TMC1: variants seen among roughly 807,000 people sequenced by gnomAD.
TMC1 encodes the protein transmembrane channel-like protein 1.
A neutral mutation model predicts 105.8 loss-of-function variants in TMC1; 84 were observed. That is an observed-to-expected ratio of 0.79 (90% CI 0.67 to 0.95). The LOEUF is 0.95. Ranked by LOEUF, TMC1 falls within the 40% of genes least tolerant of loss-of-function variation. The pLI is 0.00. For synonymous variants in TMC1, 315 were observed against 311.5 expected (o/e 1.01, Z -0.12); for missense variants, 817 against 914.1 (o/e 0.89, Z 1.37).
At chr9:72,730,089 A>G (rs1279613919) in intron 8 of TMC1, among the ~76,000 whole-genome samples, 1 of 152,204 alleles carries the variant, frequency 6.6e-6, no homozygotes, top group Non-Finnish European at 1.5e-5. Context: ...TACAAAGACT[A>G]CAATTTTTGT....
At chr9:72,677,151 C>T (rs1826215989) in intron 5 of TMC1, among the ~76,000 whole-genome samples, 1 of 151,796 alleles carries the variant, frequency 6.6e-6, no homozygotes, top group Non-Finnish European at 1.5e-5. Flanking sequence ...CACACACACA[C>T]ACACACACAC....
chr9:72,604,067 T>C (rs1184595747), intron 2 of TMC1, among the ~76,000 whole-genome samples: 1 of 152,120 alleles, frequency 6.6e-6, no homozygotes, highest in African/African-American at 2.4e-5. Flanking sequence ...GATTTCACCA[T>C]GTTGGTGTTG....
At chr9:72,743,957 A>C (rs1032134129) in intron 10 of TMC1, among the ~76,000 whole-genome samples, 1 of 152,148 alleles carries the variant, frequency 6.6e-6, no homozygotes, top group Admixed American at 6.5e-5. Context: ...ATTCCTCTCT[A>C]GATTGGAGGC....
intron 8 of TMC1, among the ~76,000 whole-genome samples, chr9:72,702,314 T>G (rs1826659166): frequency 6.6e-6 from 1 of 152,108 alleles, no homozygotes; most frequent in Non-Finnish European, 1.5e-5. Flanking sequence ...TGCCCGTATC[T>G]CTCGTGCAGG....
At chr9:72,549,993 C>G (rs963129225) in intron 1 of TMC1, among the ~76,000 whole-genome samples, 2 of 151,846 alleles carry the variant, frequency 1.3e-5, no homozygotes, top group African/African-American at 4.8e-5. Context: ...GGCCATCCAC[C>G]TACCTCGGCT....
chr9:72,727,142 G>A (rs549898989), intron 8 of TMC1, among the ~76,000 whole-genome samples: 1 of 152,268 alleles, frequency 6.6e-6, no homozygotes, highest in South Asian at 2.1e-4. Context: ...CCAATGCCTG[G>A]AATGCCCTCT....
At chr9:72,700,761 TAC>T (rs10645769) in intron 8 of TMC1, 118 bp downstream of exon 8, 2,558 of 143,814 alleles carry the variant, frequency 0.018, 8 homozygotes, top group South Asian at 0.034. Context: ...CACACACACA[TAC>T]ACACACACAC....
intron 2 of TMC1, among the ~76,000 whole-genome samples, chr9:72,615,490 T>C (rs1156358396): frequency 6.6e-6 from 1 of 152,206 alleles, no homozygotes; most frequent in Non-Finnish European, 1.5e-5. Flanking sequence ...ACCCAGGTAA[T>C]AAGTCCCATC....
intron 12 of TMC1, among the ~76,000 whole-genome samples, chr9:72,756,775 A>G (rs1013691563): frequency 7.2e-5 from 11 of 152,180 alleles, no homozygotes; most frequent in Non-Finnish European, 1.2e-4. Flanking sequence ...GAATTTCCCA[A>G]TGCACTGAAA....
At chr9:72,828,039 A>AAG (rs1491094180) in intron 21 of TMC1, among the ~76,000 whole-genome samples, 3 of 152,088 alleles carry the variant, frequency 2.0e-5, no homozygotes, top group Non-Finnish European at 4.4e-5. Flanking sequence ...TTCCCTAGAC[A>AAG]AGAGAGAGAG....
chr9:72,750,022 G>T (rs1025391974), intron 10 of TMC1, among the ~76,000 whole-genome samples: 4 of 152,124 alleles, frequency 2.6e-5, no homozygotes, highest in African/African-American at 9.7e-5. Flanking sequence ...CAGGAGAATT[G>T]CTTGAAACTG....
intron 9 of TMC1, 135 bp from the exon 10 acceptor site, chr9:72,742,309 T>C: frequency 1.3e-6 from 1 of 741,718 alleles, no homozygotes; most frequent in Non-Finnish European, 2.4e-6. Context: ...TGTTTCCCCC[T>C]TTGACTAGAA....
chr9:72,813,399 A>T (rs982874215), intron 18 of TMC1, among the ~76,000 whole-genome samples: 1 of 152,156 alleles, frequency 6.6e-6, no homozygotes, highest in South Asian at 2.1e-4. Context: ...TGTTTATTGC[A>T]TAAGTTAAAT....
chr9:72,780,090 A>G (rs1828069056), intron 13 of TMC1, among the ~76,000 whole-genome samples: 1 of 152,210 alleles, frequency 6.6e-6, no homozygotes, highest in African/African-American at 2.4e-5. Context: ...AACCAAGAAG[A>G]GATTAGGGCC....
At chr9:72,603,612 C>T (rs1037795215) in intron 2 of TMC1, among the ~76,000 whole-genome samples, 2 of 152,060 alleles carry the variant, frequency 1.3e-5, no homozygotes, top group Non-Finnish European at 2.9e-5. Context: ...CACAGTGGCG[C>T]GATTTCAGCT....
rs191291903 is a variant in TMC1 at position 72,736,632 on chromosome 9, T to C, written c.363-3487T>C. 3.9e-5 allele frequency among the ~76,000 whole-genome samples: 6 copies of C among 152,340 alleles called. No homozygotes were observed. In the East Asian group the frequency reaches 7.7e-4, roughly 20 times the overall value. On this transcript the variant is annotated intron_variant, in intron 8 of 23. Coordinates refer to ENST00000297784, the MANE Select transcript of TMC1 (RefSeq NM_138691.3). ...ACATATGAAAAACAAATTTTAATTT[T>C]ACTACTAAGAAGAATTTCCATTTCT...
chr9:72,742,594 C>A (rs925288373), intron 10 of TMC1, 69 bp downstream of exon 10: 13 of 1,297,100 alleles, frequency 1.0e-5, no homozygotes, highest in East Asian at 7.0e-5. Flanking sequence ...TTATCAGATG[C>A]CTTTGTCAGT....
intron 9 of TMC1, among the ~76,000 whole-genome samples, chr9:72,740,994 G>A (rs1827379646): frequency 6.6e-6 from 1 of 152,072 alleles, no homozygotes; most frequent in Non-Finnish European, 1.5e-5. Context: ...GTTGTTGTGG[G>A]AGTTATACTT....
chr9:72,688,754 C>A lies in TMC1; in HGVS notation c.62C>A (p.Ser21Ter). 6.2e-7 allele frequency: 1 copy of A among 1,611,442 alleles called. No homozygotes were observed. The stretch of plus-strand genomic sequence containing the variant: ...AAAGAAGACGAGACTGAGGAAAGCT[C>A]AAGTAAGTGGTGATGGGCCACTTGG... ...EEKEDETEESSSEEEEEVEDK... is the reference protein window; with the variant it reads ...EEKEDETEES The change falls in exon 6 of 24, where the codon TCA (serine) becomes TAA (stop). Residue 21 changes from serine to a stop codon, truncating the protein, a stop_gained and splice_region_variant. Transcript: ENST00000297784. LOFTEE classifies it high-confidence loss of function.
Sources: gnomAD v4.1 joint callset for allele counts (sites outside exome capture counted in the v4.1 genomes callset) on GRCh38, gnomAD v4.1.1 for gene constraint, MANE v1.5 for transcripts, NCBI Gene and HGNC (gene_info 2026-07-23, HGNC 2026-07-21) for gene names.